The following PARPBP variants were observed in gnomAD, a reference collection of about 807,000 sequenced individuals.
PARPBP encodes the protein PCNA-interacting partner.
In PARPBP, 52 loss-of-function variants were observed where a neutral mutation model predicts 50.0. That is an observed-to-expected ratio of 1.04 (90% CI 0.83 to 1.31). The LOEUF is 1.31. PARPBP is among the 50% of genes most tolerant of loss of function. The probability of loss-of-function intolerance (pLI) is 0.00; values close to 1 mark genes in which losing one functional copy is unlikely to be tolerated. For missense variants in PARPBP, 697 were observed against 672.0 expected, an observed-to-expected ratio of 1.04 and a Z score of -0.41; for synonymous variants, 244 against 232.1, an observed-to-expected ratio of 1.05 and a Z score of -0.47.
chr12:102,133,684 T>A (rs1209674717), intron 2 of PARPBP, among the ~76,000 whole-genome samples: 2 of 152,274 alleles, frequency 1.3e-5, no homozygotes, highest in Non-Finnish European at 2.9e-5. Flanking sequence ...TTTTCATTTT[T>A]TTGGAAGAGT....
chr12:102,182,189 T>C (rs111873121), intron 8 of PARPBP, among the ~76,000 whole-genome samples: 93 of 152,310 alleles, frequency 6.1e-4, no homozygotes, highest in African/African-American at 2.1e-3. Flanking sequence ...CTCATGATTC[T>C]GGGAAGCAGC....
At chr12:102,193,310 G>C (rs1890977304) in intron 9 of PARPBP, among the ~76,000 whole-genome samples, 1 of 151,754 alleles carries the variant, frequency 6.6e-6, no homozygotes, top group Admixed American at 6.6e-5. Context: ...AGAAACATTA[G>C]TTTTCTGTAC....
intron 4 of PARPBP, among the ~76,000 whole-genome samples, chr12:102,157,742 C>G (rs1316358306): frequency 6.6e-6 from 1 of 152,106 alleles, no homozygotes; most frequent in Non-Finnish European, 1.5e-5. Flanking sequence ...TATAAATAAT[C>G]CTGTTTCTCA....
In PARPBP at chr12:102,156,176, C is replaced by CTTTTTTTTTTTT. The variant is rs869213784; in HGVS notation, c.495+2217_495+2228dup. 5.3e-4 allele frequency among the ~76,000 whole-genome samples: 35 copies of CTTTTTTTTTTTT among 66,184 alleles called. 5 individuals are homozygous for CTTTTTTTTTTTT. The highest frequency in any genetic ancestry group is 2.2e-3 in the African/African-American group (33 of 14,786). 43.4% of individuals were successfully genotyped at this position (66,184 alleles called of 152,430 possible). A position where few individuals can be genotyped will look rare whatever the true frequency, so the allele number is the denominator to read the frequency against. ...CATATTTGGCTCAGAATTAACCTTC[C>CTTTTTTTTTTTT]TTTTTTTTTTTTTTTTTTTTTTTTT... is the stretch of plus-strand genomic sequence containing the variant. On this transcript the variant is annotated intron_variant, in intron 4 of 10. Coordinates refer to ENST00000327680, the MANE Select transcript of PARPBP (RefSeq NM_017915.5).
intron 6 of PARPBP, among the ~76,000 whole-genome samples, chr12:102,169,254 C>T (rs749996152): frequency 2.6e-5 from 4 of 152,080 alleles, no homozygotes; most frequent in African/African-American, 4.8e-5. Flanking sequence ...ACTTCAGATA[C>T]GTCATTCTCT....
chr12:102,187,922 T>A (rs970442736), intron 9 of PARPBP, among the ~76,000 whole-genome samples: 10 of 152,108 alleles, frequency 6.6e-5, no homozygotes, highest in African/African-American at 2.2e-4. Context: ...TTTAAAAAAT[T>A]AAAAATCTGG....
At chr12:102,182,520 A>C (rs747140365) in intron 8 of PARPBP, 29 bp from the exon 9 acceptor site, 53 of 1,473,524 alleles carry the variant, frequency 3.6e-5, no homozygotes, top group Non-Finnish European at 4.6e-5. Context: ...CATAGCAATA[A>C]ATTTTTGCCT....
intron 2 of PARPBP, among the ~76,000 whole-genome samples, chr12:102,127,222 T>G (rs781381947): frequency 4.6e-5 from 7 of 151,790 alleles, no homozygotes; most frequent in African/African-American, 7.3e-5. Context: ...TGGCGAAACC[T>G]CGTCTCTACA....
rs187553676 is a variant in PARPBP, at chr12:102,135,684, C to T, written c.153+11643C>T. ...AGTTTACACTCCTTGATGATAAGAC[C>T]GTTACTTGTATAAAGAGGGTATCTT... On this transcript the variant is annotated intron_variant, in intron 2 of 10. Coordinates refer to ENST00000327680, the MANE Select transcript of PARPBP (RefSeq NM_017915.5). 6.8e-4 allele frequency among the ~76,000 whole-genome samples: 104 copies of T among 152,100 alleles called. 2 individuals carry two copies. Among genetic ancestry groups the T allele is most frequent in the Admixed American group, 6.0e-3 (92 of 15,266 alleles).
chr12:102,188,963 G>A (rs906398373), intron 9 of PARPBP, among the ~76,000 whole-genome samples: 1 of 152,104 alleles, frequency 6.6e-6, no homozygotes, highest in Non-Finnish European at 1.5e-5. Flanking sequence ...TGGACTTGAA[G>A]ATGGAGCATT....
intron 9 of PARPBP, among the ~76,000 whole-genome samples, chr12:102,193,786 G>A (rs1017535807): frequency 1.3e-5 from 2 of 151,970 alleles, no homozygotes; most frequent in African/African-American, 4.8e-5. Context: ...TACATATAGG[G>A]CATCTTGAGG....
intron 8 of PARPBP, among the ~76,000 whole-genome samples, chr12:102,179,913 TG>T (rs1377507937): frequency 6.6e-6 from 1 of 152,204 alleles, no homozygotes; most frequent in Non-Finnish European, 1.5e-5. Flanking sequence ...TCGTACCGCT[TG>T]ATCTCTTCTA....
At chr12:102,182,896 C>T (rs993929363) in intron 9 of PARPBP, among the ~76,000 whole-genome samples, 2 of 152,018 alleles carry the variant, frequency 1.3e-5, no homozygotes, top group Admixed American at 6.6e-5. Flanking sequence ...AATAAATATC[C>T]GTTGAATGAG....
intron 2 of PARPBP, among the ~76,000 whole-genome samples, chr12:102,137,688 T>C (rs907088112): frequency 6.6e-6 from 1 of 151,794 alleles, no homozygotes; most frequent in African/African-American, 2.4e-5. Flanking sequence ...CAGTTTGTGA[T>C]GTTCCCCTTC....
chr12:102,177,865 A>T (rs772667005), intron 7 of PARPBP, among the ~76,000 whole-genome samples: 1 of 152,126 alleles, frequency 6.6e-6, no homozygotes, highest in East Asian at 1.9e-4. Context: ...CAGCCATGCC[A>T]TGCTACCTGG....
At chr12:102,182,843 C>T (rs1889963978) in intron 9 of PARPBP, among the ~76,000 whole-genome samples, 1 of 151,866 alleles carries the variant, frequency 6.6e-6, no homozygotes, top group Admixed American at 6.6e-5. Flanking sequence ...TCCACTGGAC[C>T]TAAAAAAGGG....
chr12:102,177,910 G>A (rs1373060800), intron 7 of PARPBP, among the ~76,000 whole-genome samples: 1 of 152,112 alleles, frequency 6.6e-6, no homozygotes, highest in East Asian at 1.9e-4. Context: ...CTTCCTCTGG[G>A]TGCCTCCTCC....
At chr12:102,147,836 A>T (rs1276535084) in intron 2 of PARPBP, among the ~76,000 whole-genome samples, 1 of 152,178 alleles carries the variant, frequency 6.6e-6, no homozygotes, top group East Asian at 1.9e-4. Context: ...TTAAAAATAG[A>T]TTCGCCAAAA....
intron 2 of PARPBP, among the ~76,000 whole-genome samples, chr12:102,139,455 CT>C (rs1884202243): frequency 6.6e-6 from 1 of 152,164 alleles, no homozygotes; most frequent in African/African-American, 2.4e-5. Flanking sequence ...TCTTCTTTTC[CT>C]AAATGAATAC....
Sources: gnomAD v4.1 joint callset for allele counts (sites outside exome capture counted in the v4.1 genomes callset) on GRCh38, gnomAD v4.1.1 for gene constraint, MANE v1.5 for transcripts, NCBI Gene and HGNC (gene_info 2026-07-23, HGNC 2026-07-21) for gene names.